Variants in MACROD2 observed in about 807,000 individuals in gnomAD.
The protein encoded by MACROD2 is mono-ADP ribosylhydrolase 2, also known as ADP-ribose glycohydrolase MACROD2.
In MACROD2, 36 loss-of-function variants were observed where a neutral mutation model predicts 70.4. The observed-to-expected ratio is 0.51, with a 90% CI of 0.39 to 0.68. The LOEUF (loss-of-function observed/expected upper bound fraction) is 0.68. Among genes scored for constraint, MACROD2 ranks in the 30% least tolerant of loss-of-function variants. The pLI is 0.00. For missense variants in MACROD2, 496 were observed against 538.4 expected (o/e 0.92, Z 0.78); for synonymous variants, 172 against 178.8 (o/e 0.96, Z 0.30).
chr20:15,102,649 A>G (rs1019528207), intron 5 of MACROD2, among the ~76,000 whole-genome samples: 2 of 152,122 alleles, frequency 1.3e-5, no homozygotes, highest in Admixed American at 1.3e-4. Flanking sequence ...TGTGCATGTG[A>G]ACATGTACAT....
At chr20:16,040,972 A>G (rs1258135100) in intron 15 of MACROD2, among the ~76,000 whole-genome samples, 1 of 152,012 alleles carries the variant, frequency 6.6e-6, no homozygotes, top group Non-Finnish European at 1.5e-5. Context: ...GAGAAACTAT[A>G]TATGTATATA....
intron 5 of MACROD2, among the ~76,000 whole-genome samples, chr20:14,739,511 A>T (rs1320751283): frequency 1.3e-5 from 2 of 150,698 alleles, no homozygotes; most frequent in African/African-American, 4.9e-5. Context: ...CACTGTCTAC[A>T]CTTTGTTTAT....
At chr20:14,337,995 C>A (rs1302564383) in intron 3 of MACROD2, among the ~76,000 whole-genome samples, 1 of 152,134 alleles carries the variant, frequency 6.6e-6, no homozygotes, top group Non-Finnish European at 1.5e-5. Context: ...TAACCAAAAT[C>A]AAATTAGTTT....
In MACROD2 at chr20:14,498,291, TA is replaced by T. The variant is rs201190237; in HGVS notation, c.301+4792del. ...ACTTGTACACCAAAAGCTATTGAAA[TA>T]AAAAAAAAGAAAAAAAGAAGAGTGA... is the stretch of plus-strand genomic sequence containing the variant. On this transcript the variant is annotated intron_variant, in intron 4 of 17. Transcript: ENST00000684519. Among the ~76,000 whole-genome samples, 7 of 146,994 alleles carry T rather than the reference TA, an allele frequency of 4.8e-5. 1 individual carries two copies. The highest frequency in any genetic ancestry group is 1.9e-4 in the East Asian group (1 of 5,166).
At chr20:14,362,751 C>T (rs993352297) in intron 3 of MACROD2, among the ~76,000 whole-genome samples, 5 of 151,924 alleles carry the variant, frequency 3.3e-5, no homozygotes, top group African/African-American at 1.2e-4. Flanking sequence ...GAATTGACAC[C>T]TGTGAATGAA....
chr20:14,160,041 T>C (rs984542659), intron 3 of MACROD2, among the ~76,000 whole-genome samples: 1 of 152,212 alleles, frequency 6.6e-6, no homozygotes, highest in Non-Finnish European at 1.5e-5. Context: ...TTTGTATATG[T>C]TGAACTATTC....
chr20:15,854,078 C>A (rs998976387), intron 8 of MACROD2, among the ~76,000 whole-genome samples: 5 of 152,134 alleles, frequency 3.3e-5, no homozygotes, highest in African/African-American at 7.2e-5. Context: ...GTTCAGTTTT[C>A]TCCCCTTCAG....
chr20:15,206,801 A>G (rs2076711213), intron 5 of MACROD2, among the ~76,000 whole-genome samples: 1 of 133,078 alleles, frequency 7.5e-6, no homozygotes, highest in African/African-American at 2.9e-5. Context: ...CAGTGGCGCA[A>G]TCTCGGCTCA....
At chr20:13,997,352 G>C (rs1443882519) in intron 1 of MACROD2, among the ~76,000 whole-genome samples, 1 of 152,134 alleles carries the variant, frequency 6.6e-6, no homozygotes, top group Admixed American at 6.5e-5. Flanking sequence ...TTTGCCTTGT[G>C]AGCACTGAAA....
chr20:15,430,382 G>GGTT (rs1202621584), intron 6 of MACROD2, among the ~76,000 whole-genome samples: 3 of 151,982 alleles, frequency 2.0e-5, no homozygotes, highest in African/African-American at 7.2e-5. Flanking sequence ...TTTCTGTAGA[G>GGTT]GTTGTACTAA....
At chr20:15,686,736 G>T (rs1337501392) in intron 8 of MACROD2, among the ~76,000 whole-genome samples, 1 of 151,968 alleles carries the variant, frequency 6.6e-6, no homozygotes, top group Non-Finnish European at 1.5e-5. Flanking sequence ...AGCCAGGCGT[G>T]GTGGCGCACG....
rs764687776 is a variant in MACROD2, at chr20:14,085,605, C to T, written c.164-16C>T. On this transcript the variant is annotated splice_polypyrimidine_tract_variant and intron_variant, in intron 2 of 17. Coordinates refer to ENST00000684519, the MANE Select transcript of MACROD2 (RefSeq NM_001351661.2). ...TAATAATATTATTATTGATATATATCCATTTTCTATTACAGAAGAAAATAC... is the reference window on the plus strand; with the variant it reads ...TAATAATATTATTATTGATATATATTCATTTTCTATTACAGAAGAAAATAC... 7.3e-7 allele frequency: 1 copy of T among 1,369,466 alleles called. No homozygotes were observed. Among genetic ancestry groups the T allele is most frequent in the Non-Finnish European group, 1.0e-6 (1 of 1,000,486 alleles). The allele number at this position is 1,369,466 out of a possible 1,614,324, so 84.8% of individuals were successfully genotyped here. A position where few individuals can be genotyped will look rare whatever the true frequency, so the allele number is the denominator to read the frequency against.
At chr20:14,276,803 G>A (rs1252417536) in intron 3 of MACROD2, among the ~76,000 whole-genome samples, 3 of 152,052 alleles carry the variant, frequency 2.0e-5, no homozygotes, top group Non-Finnish European at 4.4e-5. Context: ...GACATGTTGT[G>A]CTGTTGGTTT....
intron 8 of MACROD2, among the ~76,000 whole-genome samples, chr20:15,832,363 G>A (rs1392488441): frequency 6.6e-6 from 1 of 152,142 alleles, no homozygotes; most frequent in Non-Finnish European, 1.5e-5. Context: ...AGCCAAGTGG[G>A]AGACAGTGAG....
intron 8 of MACROD2, among the ~76,000 whole-genome samples, chr20:15,741,932 TTGAC>T (rs1423773347): frequency 3.9e-5 from 6 of 152,306 alleles, no homozygotes; most frequent in Non-Finnish European, 7.4e-5. Flanking sequence ...GATTGATTGA[TTGAC>T]TGGTTGATTG....
At chr20:15,374,282 ATATACACATATATG>A (rs1409516208) in intron 6 of MACROD2, among the ~76,000 whole-genome samples, 2 of 151,876 alleles carry the variant, frequency 1.3e-5, no homozygotes. Flanking sequence ...ATAATCACAT[ATATACACATATATG>A]TATATATACA....
chr20:14,541,595 A>G (rs966019348), intron 4 of MACROD2, among the ~76,000 whole-genome samples: 1 of 122,866 alleles, frequency 8.1e-6, no homozygotes, highest in African/African-American at 3.0e-5. Flanking sequence ...CACACAGCAC[A>G]CATCACACAC....
intron 5 of MACROD2, among the ~76,000 whole-genome samples, chr20:15,138,961 G>A (rs897270047): frequency 3.9e-5 from 6 of 152,104 alleles, no homozygotes; most frequent in Admixed American, 2.0e-4. Context: ...TCTTTAACCT[G>A]AGTCTAATCA....
intron 3 of MACROD2, among the ~76,000 whole-genome samples, chr20:14,471,013 C>T (rs1314836344): frequency 6.6e-6 from 1 of 152,190 alleles, no homozygotes; most frequent in Non-Finnish European, 1.5e-5. Context: ...TCCCAAAAGG[C>T]CGCCCAGTTT....
Sources: allele counts gnomAD v4.1 joint callset (sites outside exome capture counted in the v4.1 genomes callset), GRCh38; gene constraint gnomAD v4.1.1; transcripts MANE v1.5; gene names NCBI Gene and HGNC (gene_info 2026-07-23, HGNC 2026-07-21).